PTPN4: variants seen among roughly 807,000 people sequenced by gnomAD.
PTPN4 encodes the protein protein tyrosine phosphatase non-receptor type 4.
A neutral mutation model predicts 135.5 loss-of-function variants in PTPN4; 49 were observed. The observed-to-expected ratio is 0.36, with a 90% confidence interval of 0.29 to 0.46. The LOEUF is 0.46. PTPN4 is among the 20% of genes least tolerant of loss of function. PTPN4 has a pLI of 1.00. For missense variants in PTPN4, 860 were observed against 1,101.0 expected (o/e 0.78, Z 3.10); for synonymous variants, 333 against 369.9 (o/e 0.90, Z 1.14).
intron 2 of PTPN4, among the ~76,000 whole-genome samples, chr2:119,850,299 T>C (rs1037397253): frequency 2.6e-5 from 4 of 152,164 alleles, no homozygotes; most frequent in African/African-American, 9.7e-5. Context: ...AGGGGCAGTG[T>C]CCTTTACTTG....
intron 11 of PTPN4, chr2:119,915,492 CATG>C: frequency 4.0e-6 from 1 of 249,454 alleles, no homozygotes; most frequent in Non-Finnish European, 7.6e-6. Context: ...ATTTCTCACA[CATG>C]ATGTTCATTG....
chr2:119,866,126 T>C (rs1677831521), intron 3 of PTPN4, among the ~76,000 whole-genome samples: 1 of 152,118 alleles, frequency 6.6e-6, no homozygotes, highest in Admixed American at 6.6e-5. Context: ...ATATTGTGGT[T>C]ATAATTCATT....
chr2:119,894,598 T>C (rs1199790607), intron 9 of PTPN4, among the ~76,000 whole-genome samples: 1 of 152,146 alleles, frequency 6.6e-6, no homozygotes, highest in East Asian at 1.9e-4. Context: ...ACATTAAAAA[T>C]AGACATGAAA....
At chr2:119,935,137 C>A (rs1678963230) in intron 15 of PTPN4, 179 bp downstream of exon 15, 2 of 691,758 alleles carry the variant, frequency 2.9e-6, no homozygotes, top group East Asian at 2.8e-5. Flanking sequence ...TCTCCCTCCC[C>A]GACCCAGTCA....
chr2:119,859,967 A>G (rs1677737718), intron 2 of PTPN4, among the ~76,000 whole-genome samples: 9 of 152,142 alleles, frequency 5.9e-5, no homozygotes, highest in Admixed American at 5.9e-4. Flanking sequence ...GGGCTCTTTC[A>G]TCAGCACCTA....
At chr2:119,925,188 C>T (rs1007209535) in intron 12 of PTPN4, among the ~76,000 whole-genome samples, 1 of 152,148 alleles carries the variant, frequency 6.6e-6, no homozygotes, top group Non-Finnish European at 1.5e-5. Context: ...ATCCCCATGA[C>T]TATTAAAGCA....
At chr2:119,954,374 T>C (rs1410129649) in intron 19 of PTPN4, among the ~76,000 whole-genome samples, 2 of 152,122 alleles carry the variant, frequency 1.3e-5, no homozygotes, top group African/African-American at 4.8e-5. Context: ...TATACCACTT[T>C]TTTTCAAACC....
At chr2:119,916,842 G>C (rs1379001052) in intron 11 of PTPN4, among the ~76,000 whole-genome samples, 1 of 152,122 alleles carries the variant, frequency 6.6e-6, no homozygotes, top group African/African-American at 2.4e-5. Flanking sequence ...TATAACATTA[G>C]TTCGTTCCAT....
At chr2:119,949,926 G>A (rs2105050777) in intron 18 of PTPN4, among the ~76,000 whole-genome samples, 1 of 151,888 alleles carries the variant, frequency 6.6e-6, no homozygotes, top group Admixed American at 6.5e-5. Context: ...AGCAAGACAG[G>A]GTCTTGCTCT....
chr2:119,829,412 C>T (rs1472720305), intron 2 of PTPN4, among the ~76,000 whole-genome samples: 1 of 152,164 alleles, frequency 6.6e-6, no homozygotes, highest in Non-Finnish European at 1.5e-5. Context: ...TGTTGTATAA[C>T]CTTTCATGTC....
At chr2:119,835,167 T>G (rs1410706128) in intron 2 of PTPN4, among the ~76,000 whole-genome samples, 1 of 152,146 alleles carries the variant, frequency 6.6e-6, no homozygotes, top group African/African-American at 2.4e-5. Flanking sequence ...ATCTTTTTCT[T>G]ATCAAAATCA....
chr2:119,793,681 T>A (rs1440273441), intron 1 of PTPN4, among the ~76,000 whole-genome samples: 4 of 152,120 alleles, frequency 2.6e-5, no homozygotes, highest in Non-Finnish European at 4.4e-5. Flanking sequence ...TTTGGGGAAC[T>A]AATAAATGTC....
At chr2:119,844,398 C>G (rs1228049558) in intron 2 of PTPN4, among the ~76,000 whole-genome samples, 1 of 148,218 alleles carries the variant, frequency 6.7e-6, no homozygotes, top group African/African-American at 2.5e-5. Flanking sequence ...CGGGCGGAGA[C>G]ACTCCTCACT....
chr2:119,926,719 T>G, intron 13 of PTPN4, 53 bp downstream of exon 13: 2 of 1,364,514 alleles, frequency 1.5e-6, no homozygotes, highest in African/African-American at 2.9e-5. Flanking sequence ...TGGATTGAGT[T>G]TACTAAAAAG....
At chr2:119,976,927 AG>A (rs1402872833) in intron 26 of PTPN4, 56 bp from the exon 27 acceptor site, 1 of 1,561,190 alleles carries the variant, frequency 6.4e-7, no homozygotes, top group Non-Finnish European at 8.6e-7. Context: ...TTGGGGGGAG[AG>A]GGGACGGTTT....
At chr2:119,889,289 G>A (rs1678205977) in intron 9 of PTPN4, among the ~76,000 whole-genome samples, 1 of 152,118 alleles carries the variant, frequency 6.6e-6, no homozygotes, top group African/African-American at 2.4e-5. Flanking sequence ...TCGTGGTGGT[G>A]GGCACCTGTA....
chr2:119,785,032 T>C (rs999406327), intron 1 of PTPN4, among the ~76,000 whole-genome samples: 26 of 152,172 alleles, frequency 1.7e-4, no homozygotes, highest in African/African-American at 5.3e-4. Context: ...TTCTCAACTT[T>C]AGCACTATTG....
intron 9 of PTPN4, among the ~76,000 whole-genome samples, chr2:119,900,298 C>G (rs1363296363): frequency 6.6e-6 from 1 of 152,000 alleles, no homozygotes; most frequent in Non-Finnish European, 1.5e-5. Context: ...TCCTTTTCAC[C>G]AAACTCTGAA....
chr2:119,779,624 A>G (rs1690900825), intron 1 of PTPN4, among the ~76,000 whole-genome samples: 1 of 152,182 alleles, frequency 6.6e-6, no homozygotes, highest in Non-Finnish European at 1.5e-5. Context: ...CTCAAAAAAA[A>G]AAAAAAAAAA....
Sources: gnomAD v4.1 joint callset for allele counts (sites outside exome capture counted in the v4.1 genomes callset) on GRCh38, gnomAD v4.1.1 for gene constraint, MANE v1.5 for transcripts, NCBI Gene and HGNC (gene_info 2026-07-23, HGNC 2026-07-21) for gene names.